MCUB: variants seen among roughly 807,000 people sequenced by gnomAD.
MCUB encodes calcium uniporter regulatory subunit MCUb, mitochondrial.
Under a neutral mutation model 41.4 loss-of-function variants are expected in MCUB, and 46 were observed. The observed-to-expected ratio is 1.11, with a 90% CI of 0.88 to 1.42. MCUB has a LOEUF of 1.42. Among genes scored for constraint, MCUB ranks in the 40% most tolerant of loss-of-function variants. The pLI is 0.00. For synonymous variants in MCUB, 148 were observed against 148.2 expected (o/e 1.00, Z 0.01); for missense variants, 403 against 404.9 (o/e 1.00, Z 0.04).
chr4:109,616,541 C>T (rs766050055), intron 1 of MCUB, among the ~76,000 whole-genome samples: 5 of 152,130 alleles, frequency 3.3e-5, no homozygotes, highest in Non-Finnish European at 7.3e-5. Context: ...CTCTATTTTG[C>T]TTTTACTTGG....
chr4:109,678,032 C>T (rs918307659), intron 4 of MCUB, among the ~76,000 whole-genome samples: 1 of 151,882 alleles, frequency 6.6e-6, no homozygotes, highest in African/African-American at 2.4e-5. Context: ...AACGAGTATG[C>T]TGCCTTCAGG....
chr4:109,634,434 G>A (rs1335667079), intron 1 of MCUB, among the ~76,000 whole-genome samples: 2 of 149,210 alleles, frequency 1.3e-5, no homozygotes, highest in Non-Finnish European at 3.0e-5. Context: ...AGTGAGCTGA[G>A]ATTGCGCCAC....
chr4:109,614,521 T>C (rs1249686529), intron 1 of MCUB, among the ~76,000 whole-genome samples: 1 of 151,686 alleles, frequency 6.6e-6, no homozygotes, highest in Non-Finnish European at 1.5e-5. Flanking sequence ...ACTCGGAAGA[T>C]GACCCACACC....
chr4:109,578,990 G>C (rs1022148085), intron 1 of MCUB, among the ~76,000 whole-genome samples: 1 of 152,098 alleles, frequency 6.6e-6, no homozygotes, highest in African/African-American at 2.4e-5. Flanking sequence ...ACCATATCCT[G>C]TTCATTGGAG....
chr4:109,667,767 T>G (rs1360328364), intron 4 of MCUB, among the ~76,000 whole-genome samples: 1 of 151,562 alleles, frequency 6.6e-6, no homozygotes, highest in Non-Finnish European at 1.5e-5. Flanking sequence ...ATGTTTATTC[T>G]TTCCTGTTAT....
intron 1 of MCUB, among the ~76,000 whole-genome samples, chr4:109,605,077 A>T (rs958613068): frequency 6.6e-6 from 1 of 152,120 alleles, no homozygotes. Flanking sequence ...ATTTTTCACA[A>T]GTTCGAGTAG....
At position 109,687,891 on chromosome 4, in the gene MCUB, G is replaced by T; in HGVS notation, c.*299G>T. The stretch of plus-strand genomic sequence containing the variant: ...GTGGAGGTGAAAGGGTCTGTGCTTG[G>T]CATTCACTTCCATTCTTAGACTTAA... On this transcript the variant is annotated 3_prime_UTR_variant, in exon 8 of 8. Coordinates refer to ENST00000394650, the MANE Select transcript of MCUB (RefSeq NM_017918.5). 3.8e-6 allele frequency: 1 copy of T among 266,494 alleles called. No individual in the cohort carries two copies. The highest frequency in any genetic ancestry group is 7.0e-6 in the Non-Finnish European group (1 of 142,990). The allele number at this position is 266,494 out of a possible 1,614,324, so 16.5% of individuals were successfully genotyped here. A position where few individuals can be genotyped will look rare whatever the true frequency, so the allele number is the denominator to read the frequency against.
At chr4:109,591,811 G>C (rs1474404803) in intron 1 of MCUB, among the ~76,000 whole-genome samples, 1 of 151,524 alleles carries the variant, frequency 6.6e-6, no homozygotes, top group Non-Finnish European at 1.5e-5. Context: ...CAATTCTCCT[G>C]CCTCAGCCTC....
chr4:109,684,251 A>T (rs1251327268), intron 5 of MCUB, among the ~76,000 whole-genome samples, 192 bp from the exon 6 acceptor site: 1 of 151,564 alleles, frequency 6.6e-6, no homozygotes, highest in Non-Finnish European at 1.5e-5. Flanking sequence ...TTTAGTAGAG[A>T]CGGGGTTTCA....
intron 3 of MCUB, 68 bp from the exon 4 acceptor site, chr4:109,664,220 CTA>C (rs1729293176): frequency 1.3e-6 from 1 of 789,410 alleles, no homozygotes; most frequent in South Asian, 1.4e-5. Context: ...TAGTAATTTT[CTA>C]TGTGTTGGAA....
At chr4:109,563,802 C>T (rs117629060) in intron 1 of MCUB, among the ~76,000 whole-genome samples, 2 of 152,166 alleles carry the variant, frequency 1.3e-5, no homozygotes, top group African/African-American at 4.8e-5. Context: ...TAGAAAACCT[C>T]GAGCTAAAAC....
intron 1 of MCUB, among the ~76,000 whole-genome samples, chr4:109,642,817 G>T (rs1397881905): frequency 6.7e-6 from 1 of 149,162 alleles, no homozygotes; most frequent in African/African-American, 2.5e-5. Flanking sequence ...TGTTCTTTTT[G>T]TCATACTCCC....
At chr4:109,584,751 A>C (rs1478859986) in intron 1 of MCUB, among the ~76,000 whole-genome samples, 1 of 152,140 alleles carries the variant, frequency 6.6e-6, no homozygotes, top group Non-Finnish European at 1.5e-5. Context: ...GTTTCCATGT[A>C]GTTGCGTGGT....
chr4:109,565,273 G>A (rs893608140), intron 1 of MCUB, among the ~76,000 whole-genome samples: 4 of 152,148 alleles, frequency 2.6e-5, no homozygotes, highest in Non-Finnish European at 1.5e-5. Context: ...GATCCTCAGC[G>A]TTCTGACAGC....
At chr4:109,619,661 C>T (rs1355492571) in intron 1 of MCUB, among the ~76,000 whole-genome samples, 6 of 152,090 alleles carry the variant, frequency 3.9e-5, no homozygotes, top group African/African-American at 9.7e-5. Context: ...GAGCTAAGAT[C>T]GCACCACTGC....
chr4:109,643,746 C>T (rs1040246054), intron 1 of MCUB, among the ~76,000 whole-genome samples: 13 of 151,258 alleles, frequency 8.6e-5, no homozygotes, highest in Admixed American at 2.0e-4. Context: ...TCAGGTGATC[C>T]GCCCACCTCA....
intron 1 of MCUB, among the ~76,000 whole-genome samples, chr4:109,637,625 A>G (rs1392356770): frequency 6.6e-6 from 1 of 152,218 alleles, no homozygotes; most frequent in Non-Finnish European, 1.5e-5. Context: ...ATTGTAGACT[A>G]ATACTCTAAG....
intron 4 of MCUB, among the ~76,000 whole-genome samples, chr4:109,674,795 A>T (rs1306691148): frequency 6.6e-6 from 1 of 152,256 alleles, no homozygotes; most frequent in Admixed American, 6.5e-5. Context: ...TTTAAATGTC[A>T]TCTTGAAATA....
intron 1 of MCUB, among the ~76,000 whole-genome samples, chr4:109,583,359 G>T (rs768098454): frequency 6.6e-6 from 1 of 151,994 alleles, no homozygotes; most frequent in Non-Finnish European, 1.5e-5. Context: ...ATTTGGCTCT[G>T]TGTGTCTGTT....
Sources: gnomAD v4.1 joint callset for allele counts (sites outside exome capture counted in the v4.1 genomes callset) on GRCh38, gnomAD v4.1.1 for gene constraint, MANE v1.5 for transcripts, NCBI Gene and HGNC (gene_info 2026-07-23, HGNC 2026-07-21) for gene names.